The following PCDHA2 variants were observed in gnomAD, a reference collection of about 807,000 sequenced individuals.
The protein encoded by PCDHA2 is protocadherin alpha 2.
A neutral mutation model predicts 66.0 loss-of-function variants in PCDHA2; 58 were observed. That is an observed-to-expected ratio of 0.88 (90% CI 0.71 to 1.09). The LOEUF is 1.09. PCDHA2 is among the 50% of genes least tolerant of loss of function. PCDHA2 has a pLI of 0.00. For missense variants in PCDHA2, 1,267 were observed against 1,242.3 expected, an observed-to-expected ratio of 1.02 and a Z score of -0.30; for synonymous variants, 634 against 554.0, an observed-to-expected ratio of 1.14 and a Z score of -2.03.
chr5:140,819,353 T>G (rs1766541338), intron 1 of PCDHA2, among the ~76,000 whole-genome samples: 1 of 152,170 alleles, frequency 6.6e-6, no homozygotes, highest in African/African-American at 2.4e-5. Context: ...CTTATGAAGA[T>G]TAAATTTTCT....
intron 1 of PCDHA2, chr5:140,821,497 C>A: frequency 3.2e-6 from 1 of 315,434 alleles, no homozygotes; most frequent in Non-Finnish European, 5.8e-6. Context: ...GAAATATTGA[C>A]GAATATAAGC....
chr5:141,002,261 C>A (rs373363788), intron 3 of PCDHA2, among the ~76,000 whole-genome samples: 1 of 152,224 alleles, frequency 6.6e-6, no homozygotes, highest in East Asian at 1.9e-4. Context: ...CACTGAAATC[C>A]CAGAGCTGGT....
intron 1 of PCDHA2, chr5:140,843,294 C>G (rs2150356676): frequency 6.3e-7 from 1 of 1,595,870 alleles, no homozygotes; most frequent in Non-Finnish European, 8.6e-7. Flanking sequence ...GGTGAACCTG[C>G]GCTGACCGCC....
In PCDHA2 at chr5:140,796,157, T is replaced by C; in HGVS notation, c.1193T>C (p.Val398Ala). The part of the protein sequence containing the change: ...SLTPHVPFKL[V>A]STFKNYYSLV... ...ACGCCCCACGTCCCTTTCAAGCTGGTGTCCACCTTCAAGAATTACTACTCG... is the reference window on the plus strand; with the variant it reads ...ACGCCCCACGTCCCTTTCAAGCTGGCGTCCACCTTCAAGAATTACTACTCG... Residue 398 changes from valine to alanine, a missense_variant, in exon 1 of 4, where the codon GTG (valine) becomes GCG (alanine). Coordinates refer to ENST00000526136, the MANE Select transcript of PCDHA2 (RefSeq NM_018905.3). 1 of 1,614,202 alleles carries C rather than the reference T, an allele frequency of 6.2e-7. No individual in the cohort carries two copies. Among genetic ancestry groups the C allele is most frequent in the Non-Finnish European group, 8.5e-7 (1 of 1,180,028 alleles).
rs578208339 is a variant in PCDHA2 at position 141,001,194 on chromosome 5, C to G, written c.2537-8433C>G. Among the ~76,000 whole-genome samples the G allele has an allele frequency of 1.1e-4, 17 of 152,218 alleles. 1 individual carries two copies. In the South Asian group the frequency reaches 3.3e-3, roughly 30 times the overall value. On this transcript the variant is annotated intron_variant, in intron 3 of 3. Coordinates refer to ENST00000526136, the MANE Select transcript of PCDHA2 (RefSeq NM_018905.3). ...ACGAGTTTTTACTTTGCACCATGCA[C>G]TTATGCTATGTGCTGTATAAGGATA...
intron 1 of PCDHA2, among the ~76,000 whole-genome samples, chr5:140,914,575 A>G (rs2076765762): frequency 2.0e-5 from 3 of 152,018 alleles, no homozygotes; most frequent in African/African-American, 7.2e-5. Context: ...TTTACATTCA[A>G]TAATTTCATT....
At chr5:140,838,621 C>T (rs2150290768) in intron 1 of PCDHA2, among the ~76,000 whole-genome samples, 40 of 151,992 alleles carry the variant, frequency 2.6e-4, no homozygotes, top group Non-Finnish European at 5.1e-4. Context: ...AAATTTTTTA[C>T]AAATAATTTG....
intron 3 of PCDHA2, among the ~76,000 whole-genome samples, chr5:140,986,222 G>A (rs1554247822): frequency 1.3e-5 from 2 of 152,164 alleles, no homozygotes; most frequent in African/African-American, 4.8e-5. Flanking sequence ...CCTTTCTCTA[G>A]CCTCCCCTCT....
At chr5:140,833,801 A>G (rs146837800) in intron 1 of PCDHA2, among the ~76,000 whole-genome samples, 1 of 152,242 alleles carries the variant, frequency 6.6e-6, no homozygotes, top group South Asian at 2.1e-4. Flanking sequence ...CAATCAGTAG[A>G]TTCTTGAGAT....
intron 1 of PCDHA2, chr5:140,816,740 A>T (rs2126674526): frequency 5.3e-4 from 81 of 151,982 alleles, no homozygotes; most frequent in African/African-American, 1.9e-3. Context: ...TTTTCTGTGG[A>T]TGCATCTTCT....
rs368766260 is a variant in PCDHA2, at chr5:140,802,313, C to T, written c.2388+4961C>T. The T allele has an allele frequency of 2.0e-5, 32 of 1,614,264 alleles. No individual in the cohort carries two copies. The African/African-American group carries it at 3.5e-4, about 17-fold the overall frequency. ...CACTTAGCACAGTCATCGCTCTGAT[C>T]AGCGTGTCCGACCGCGACTCAGGAG... is the stretch of plus-strand genomic sequence containing the variant. On this transcript the variant is annotated intron_variant, in intron 1 of 3. Coordinates refer to ENST00000526136, the MANE Select transcript of PCDHA2 (RefSeq NM_018905.3).
At chr5:140,946,092 G>T (rs985293430) in intron 1 of PCDHA2, among the ~76,000 whole-genome samples, 1 of 151,914 alleles carries the variant, frequency 6.6e-6, no homozygotes, top group Non-Finnish European at 1.5e-5. Context: ...CTGATAAGGA[G>T]TTAACATACC....
At chr5:140,873,722 G>A (rs371744747) in intron 1 of PCDHA2, among the ~76,000 whole-genome samples, 2 of 152,198 alleles carry the variant, frequency 1.3e-5, no homozygotes, top group South Asian at 2.1e-4. Flanking sequence ...GTGCAGTGGC[G>A]CAATCTCAGC....
rs557901977 is a variant in PCDHA2 at position 140,876,312 on chromosome 5, G to A, written c.2388+78960G>A. 4.3e-6 allele frequency: 7 copies of A among 1,614,036 alleles called. No individual in the cohort carries two copies. In the East Asian group the frequency reaches 1.6e-4, roughly 36 times the overall value. On this transcript the variant is annotated intron_variant, in intron 1 of 3. Coordinates refer to ENST00000526136, the MANE Select transcript of PCDHA2 (RefSeq NM_018905.3). ...GACTTAATGGAGAAATTTCCTATGG[G>A]ATCAAAATGATTTTGCCAGTGAGTG...
intron 1 of PCDHA2, among the ~76,000 whole-genome samples, chr5:140,925,953 C>T (rs1438087673): frequency 1.3e-5 from 2 of 152,090 alleles, no homozygotes; most frequent in Non-Finnish European, 2.9e-5. Context: ...GAAGGAGAAA[C>T]TGCTATCACG....
intron 1 of PCDHA2, chr5:140,858,383 A>T: frequency 6.3e-7 from 1 of 1,584,980 alleles, no homozygotes; most frequent in African/African-American, 1.3e-5. Flanking sequence ...ACCATGCCCA[A>T]TGGTAGATGT....
chr5:140,849,060 G>A lies in PCDHA2; in HGVS notation c.2388+51708G>A, dbSNP rs2150429705. On this transcript the variant is annotated intron_variant, in intron 1 of 3. Transcript: ENST00000526136. ...GGACGTGCCAACCAGCAACCAGCAG[G>A]TAAAACCTCTTGGACTTGTATTACG... The A allele has an allele frequency of 3.2e-6, 5 of 1,549,090 alleles. No individual in the cohort carries two copies. The South Asian group carries it at 5.6e-5, about 17-fold the overall frequency.
At chr5:140,882,543 G>T (rs1357197569) in intron 1 of PCDHA2, 4 of 1,614,236 alleles carry the variant, frequency 2.5e-6, no homozygotes, top group Non-Finnish European at 3.4e-6. Context: ...CGGATCGACC[G>T]CGAGGAGCTG....
chr5:140,850,473 A>T lies in PCDHA2; in HGVS notation c.2388+53121A>T, dbSNP rs1320071862. 8.8e-6 allele frequency: 14 copies of T among 1,597,572 alleles called. 1 individual carries two copies. The highest frequency in any genetic ancestry group is 1.2e-5 in the Non-Finnish European group (14 of 1,167,568). On this transcript the variant is annotated intron_variant, in intron 1 of 3. Transcript: ENST00000526136. ...GAAAGACCACGGGGAGCCAGCGCTGACGGCCACGGCCACTGTGCTGGTGTC... is the reference window on the plus strand; with the variant it reads ...GAAAGACCACGGGGAGCCAGCGCTGTCGGCCACGGCCACTGTGCTGGTGTC...
Sources: gnomAD v4.1 joint callset for allele counts (sites outside exome capture counted in the v4.1 genomes callset) on GRCh38, gnomAD v4.1.1 for gene constraint, MANE v1.5 for transcripts, NCBI Gene and HGNC (gene_info 2026-07-23, HGNC 2026-07-21) for gene names.